The following CNTN5 variants were observed in gnomAD, a reference collection of about 807,000 sequenced individuals.
CNTN5 encodes contactin 5.
CNTN5 carries 77 observed loss-of-function variants against 129.1 expected under a neutral mutation model. The observed-to-expected ratio is 0.60, with a 90% CI of 0.50 to 0.72. The LOEUF is 0.72. Among genes scored for constraint, CNTN5 ranks in the 30% least tolerant of loss-of-function variants. CNTN5 has a pLI of 0.00. For synonymous variants in CNTN5, 509 were observed against 465.6 expected, an observed-to-expected ratio of 1.09 and a Z score of -1.20; for missense variants, 1,478 against 1,328.8, an observed-to-expected ratio of 1.11 and a Z score of -1.75.
At chr11:100,200,695 T>G (rs1410015660) in intron 15 of CNTN5, among the ~76,000 whole-genome samples, 1 of 151,800 alleles carries the variant, frequency 6.6e-6, no homozygotes, top group Non-Finnish European at 1.5e-5. Flanking sequence ...GGGATAAGAG[T>G]ACCGTAATTC....
intron 3 of CNTN5, among the ~76,000 whole-genome samples, chr11:99,730,962 A>G (rs1943511525): frequency 6.6e-6 from 1 of 152,090 alleles, no homozygotes; most frequent in African/African-American, 2.4e-5. Flanking sequence ...ACCATTTCCC[A>G]GCCTCTGGTA....
chr11:99,904,536 T>C (rs770902467), intron 6 of CNTN5, among the ~76,000 whole-genome samples: 5 of 152,216 alleles, frequency 3.3e-5, no homozygotes, highest in East Asian at 1.9e-4. Context: ...GTATCCAGTC[T>C]ATCATTGATG....
rs182951879 is a variant in CNTN5 at position 100,135,478 on chromosome 11, A to G, written c.1581-55648A>G. 7.9e-5 allele frequency among the ~76,000 whole-genome samples: 12 copies of G among 152,220 alleles called. No homozygotes were observed. In the East Asian group the frequency reaches 2.3e-3, roughly 29 times the overall value. ...GCATGAGCCACTGCGCCCGGCCAGA[A>G]AAGATTTTTTAAAAGAATTATATTT... On this transcript the variant is annotated intron_variant, in intron 13 of 24. Coordinates refer to ENST00000524871, the MANE Select transcript of CNTN5 (RefSeq NM_014361.4).
At chr11:99,700,969 T>C (rs1954494557) in intron 3 of CNTN5, among the ~76,000 whole-genome samples, 1 of 151,322 alleles carries the variant, frequency 6.6e-6, no homozygotes, top group Non-Finnish European at 1.5e-5. Flanking sequence ...TTTTTGTAAC[T>C]ACTAGCAGCA....
chr11:100,059,911 A>T (rs1297947407), intron 9 of CNTN5, among the ~76,000 whole-genome samples: 1 of 152,162 alleles, frequency 6.6e-6, no homozygotes, highest in Non-Finnish European at 1.5e-5. Flanking sequence ...ATTTTTAATG[A>T]TTAAAAAAAG....
chr11:99,991,926 A>G (rs563101769), intron 8 of CNTN5, among the ~76,000 whole-genome samples: 113 of 152,204 alleles, frequency 7.4e-4, no homozygotes, highest in Non-Finnish European at 1.3e-3. Flanking sequence ...GTTAATAACC[A>G]CAGCCAGGAA....
chr11:99,196,140 C>A (rs913964464), intron 1 of CNTN5, among the ~76,000 whole-genome samples: 5 of 151,166 alleles, frequency 3.3e-5, no homozygotes, highest in African/African-American at 1.2e-4. Flanking sequence ...TATTTATAAA[C>A]AGTGAGTGAC....
At chr11:99,844,185 C>T (rs1947605741) in intron 4 of CNTN5, among the ~76,000 whole-genome samples, 1 of 152,172 alleles carries the variant, frequency 6.6e-6, no homozygotes, top group Admixed American at 6.5e-5. Context: ...GTGCTCTTCC[C>T]ACTGGCCTCC....
chr11:100,138,327 T>C (rs1946591003), intron 13 of CNTN5, among the ~76,000 whole-genome samples: 2 of 152,044 alleles, frequency 1.3e-5, no homozygotes, highest in Non-Finnish European at 2.9e-5. Flanking sequence ...GAGTACCTAC[T>C]ATGTACTAGG....
intron 1 of CNTN5, among the ~76,000 whole-genome samples, chr11:99,096,877 T>C (rs548039687): frequency 1.1e-3 from 170 of 152,000 alleles, no homozygotes; most frequent in Middle Eastern, 3.4e-3. Flanking sequence ...CTTGCTGATA[T>C]ACTTTGCAGA....
chr11:99,910,716 G>C (rs1009337150), intron 6 of CNTN5, among the ~76,000 whole-genome samples: 2 of 152,106 alleles, frequency 1.3e-5, no homozygotes, highest in East Asian at 1.9e-4. Flanking sequence ...GCCTGGCATA[G>C]AGTAGGTATG....
chr11:99,459,302 A>AT (rs1199635161), intron 2 of CNTN5, among the ~76,000 whole-genome samples: 1 of 151,872 alleles, frequency 6.6e-6, no homozygotes, highest in Non-Finnish European at 1.5e-5. Flanking sequence ...AGGAAAATGA[A>AT]TTTTTTTCTA....
At chr11:99,338,436 GAAC>G (rs1384979114) in intron 2 of CNTN5, among the ~76,000 whole-genome samples, 1 of 152,150 alleles carries the variant, frequency 6.6e-6, no homozygotes, top group Non-Finnish European at 1.5e-5. Context: ...TAGGGGGTTG[GAAC>G]AGAATGAGGG....
At chr11:99,268,470 A>G (rs926107125) in intron 1 of CNTN5, among the ~76,000 whole-genome samples, 1 of 151,832 alleles carries the variant, frequency 6.6e-6, no homozygotes, top group East Asian at 1.9e-4. Flanking sequence ...GGAAAATTAT[A>G]AAAGCATTAT....
chr11:99,539,461 T>C (rs1354218334), intron 2 of CNTN5, among the ~76,000 whole-genome samples: 1 of 151,994 alleles, frequency 6.6e-6, no homozygotes, highest in African/African-American at 2.4e-5. Flanking sequence ...TGTTCTTTTA[T>C]ACTTAAATCT....
At chr11:99,421,901 C>T (rs1237695603) in intron 2 of CNTN5, among the ~76,000 whole-genome samples, 1 of 152,050 alleles carries the variant, frequency 6.6e-6, no homozygotes, top group Middle Eastern at 3.2e-3. Context: ...TCAAAAACAA[C>T]TTATCATAGA....
At chr11:99,226,675 C>T (rs1860702321) in intron 1 of CNTN5, among the ~76,000 whole-genome samples, 1 of 150,538 alleles carries the variant, frequency 6.6e-6, no homozygotes, top group African/African-American at 2.4e-5. Flanking sequence ...ACTGGTAGGA[C>T]TATTTCTTCT....
intron 3 of CNTN5, among the ~76,000 whole-genome samples, chr11:99,606,445 A>G (rs1178853430): frequency 6.9e-6 from 1 of 145,752 alleles, no homozygotes; most frequent in African/African-American, 2.6e-5. Context: ...AGGAAATTAA[A>G]GAGGACACAA....
chr11:99,669,472 GTATA>G lies in CNTN5; in HGVS notation c.55+113205_55+113208del, dbSNP rs10633938. Among the ~76,000 whole-genome samples the G allele has an allele frequency of 3.9e-3, 90 of 23,222 alleles. 1 individual carries two copies. Among genetic ancestry groups the G allele is most frequent in the Admixed American group, 0.028 (44 of 1,586 alleles). The allele number at this position is 23,222 out of a possible 152,430, so 15.2% of individuals were successfully genotyped here. ...TGTGTGTGTGTGTGTGTGTGTGTGT[GTATA>G]TGTGTATACATATATACACATATAT... On this transcript the variant is annotated intron_variant, in intron 3 of 24. Transcript: ENST00000524871.
Sources: gnomAD v4.1 joint callset for allele counts (sites outside exome capture counted in the v4.1 genomes callset) on GRCh38, gnomAD v4.1.1 for gene constraint, MANE v1.5 for transcripts, NCBI Gene and HGNC (gene_info 2026-07-23, HGNC 2026-07-21) for gene names.